The following PRDM11 variants were observed in gnomAD, a reference collection of about 807,000 sequenced individuals.
The protein encoded by PRDM11 is PR domain-containing protein 11.
A neutral mutation model predicts 97.8 loss-of-function variants in PRDM11; 20 were observed. The ratio of observed to expected loss-of-function variants is 0.20; its 90% confidence interval spans 0.14 to 0.30. The LOEUF (loss-of-function observed/expected upper bound fraction) is 0.30, where lower values mean the gene tolerates loss of function less well. PRDM11 is among the 10% of genes least tolerant of loss of function. The probability of loss-of-function intolerance (pLI) is 1.00; values close to 1 mark genes in which losing one functional copy is unlikely to be tolerated. For missense variants in PRDM11, 1,139 were observed against 1,555.2 expected (o/e 0.73, Z 4.50); for synonymous variants, 599 against 637.7 (o/e 0.94, Z 0.91).
chr11:45,185,750 TC>T (rs751726973), intron 4 of PRDM11, among the ~76,000 whole-genome samples: 3 of 151,944 alleles, frequency 2.0e-5, no homozygotes, highest in Non-Finnish European at 4.4e-5. Flanking sequence ...CCACATAATG[TC>T]CCCCCAAAAA....
Position 45,104,449 on chromosome 11 carries a change from G to C in PRDM11, c.96+8548G>C, listed in dbSNP as rs138391155. Among the ~76,000 whole-genome samples the C allele has an allele frequency of 3.1e-3, 478 of 152,338 alleles. 2 individuals are homozygous for C. Among genetic ancestry groups the C allele is most frequent in the Admixed American group, 4.9e-3 (75 of 15,302 alleles). ...GGGGACGAGGACACGTGCCCTTCCT[G>C]CTGCTCAAGGTTGCTGTGATAGCTG... On this transcript the variant is annotated intron_variant, in intron 1 of 6. Transcript: ENST00000530656.
intron 1 of PRDM11, among the ~76,000 whole-genome samples, chr11:45,113,985 T>C (rs1435529541): frequency 1.3e-5 from 2 of 152,054 alleles, no homozygotes; most frequent in Non-Finnish European, 2.9e-5. Flanking sequence ...ACTTCCTCTT[T>C]TTCAATCTGG....
intron 1 of PRDM11, among the ~76,000 whole-genome samples, chr11:45,137,961 C>T (rs371243810): frequency 1.3e-5 from 2 of 152,182 alleles, no homozygotes; most frequent in African/African-American, 2.4e-5. Flanking sequence ...CATACACACA[C>T]GTACGTGAGA....
intron 4 of PRDM11, among the ~76,000 whole-genome samples, chr11:45,191,094 G>C (rs1385531979): frequency 6.6e-6 from 1 of 152,108 alleles, no homozygotes; most frequent in Non-Finnish European, 1.5e-5. Context: ...CATCTCATTA[G>C]TCTCCTTTAT....
At chr11:45,213,178 G>C in intron 5 of PRDM11, 1 of 456,680 alleles carries the variant, frequency 2.2e-6, no homozygotes, top group Non-Finnish European at 4.4e-6. Flanking sequence ...CCTCCTCACC[G>C]AGCGCAGGTC....
At chr11:45,123,103 G>A (rs920891261) in intron 1 of PRDM11, among the ~76,000 whole-genome samples, 10 of 152,066 alleles carry the variant, frequency 6.6e-5, no homozygotes, top group African/African-American at 2.2e-4. Flanking sequence ...GTGATGATGA[G>A]CATTTTTTCA....
intron 4 of PRDM11, among the ~76,000 whole-genome samples, chr11:45,188,318 C>T (rs1000684829): frequency 2.0e-5 from 3 of 152,228 alleles, no homozygotes; most frequent in Non-Finnish European, 4.4e-5. Flanking sequence ...GCTGAGAAAA[C>T]TGAGGCCTGG....
intron 4 of PRDM11, among the ~76,000 whole-genome samples, chr11:45,203,221 A>T (rs192889037): frequency 6.6e-6 from 1 of 152,156 alleles, no homozygotes. Context: ...TCTTCAGGGG[A>T]CCAACCCTGA....
At chr11:45,192,497 C>T (rs1260027617) in intron 4 of PRDM11, among the ~76,000 whole-genome samples, 2 of 152,196 alleles carry the variant, frequency 1.3e-5, no homozygotes, top group African/African-American at 2.4e-5. Context: ...GTAATATGCT[C>T]ATGAACCAGT....
intron 1 of PRDM11, among the ~76,000 whole-genome samples, chr11:45,108,409 C>G (rs1006100671): frequency 6.6e-6 from 1 of 152,170 alleles, no homozygotes; most frequent in African/African-American, 2.4e-5. Context: ...ACTGTTGGTC[C>G]CATGAGCTTC....
chr11:45,139,259 C>A lies in PRDM11; in HGVS notation c.97-42502C>A, dbSNP rs1381833741. On this transcript the variant is annotated intron_variant, in intron 1 of 6. Transcript: ENST00000530656. ...ATGAACACTTTGCAGGACAACTGGG[C>A]AAAATGTTTTAGGACAACTGGGCAA... is the stretch of plus-strand genomic sequence containing the variant. 2.0e-5 allele frequency among the ~76,000 whole-genome samples: 3 copies of A among 152,194 alleles called. No individual in the cohort carries two copies. The East Asian group carries it at 5.8e-4, about 29-fold the overall frequency.
At chr11:45,165,602 G>A (rs748412849) in intron 1 of PRDM11, among the ~76,000 whole-genome samples, 1 of 152,246 alleles carries the variant, frequency 6.6e-6, no homozygotes, top group Non-Finnish European at 1.5e-5. Flanking sequence ...GCCCATCTGA[G>A]CAGGGCCACC....
intron 1 of PRDM11, among the ~76,000 whole-genome samples, chr11:45,113,554 A>G (rs1042867450): frequency 3.9e-5 from 6 of 152,176 alleles, no homozygotes; most frequent in African/African-American, 1.4e-4. Context: ...GGTCATCTTC[A>G]CAATATTGAT....
At chr11:45,174,781 CAG>C (rs923050638) in intron 1 of PRDM11, among the ~76,000 whole-genome samples, 24 of 152,104 alleles carry the variant, frequency 1.6e-4, no homozygotes, top group Middle Eastern at 3.2e-3. Flanking sequence ...AAGAAGAAAA[CAG>C]AAATACACAA....
chr11:45,160,427 A>T (rs1223152326), intron 1 of PRDM11, among the ~76,000 whole-genome samples: 1 of 152,168 alleles, frequency 6.6e-6, no homozygotes, highest in East Asian at 1.9e-4. Flanking sequence ...CATGGTCATG[A>T]CTCTAGTATA....
chr11:45,132,487 A>C (rs545716838), intron 1 of PRDM11, among the ~76,000 whole-genome samples: 1 of 152,348 alleles, frequency 6.6e-6, no homozygotes, highest in East Asian at 1.9e-4. Context: ...AAAGTCTTAA[A>C]TGTTATTTTT....
intron 5 of PRDM11, among the ~76,000 whole-genome samples, chr11:45,216,617 A>C (rs555167495): frequency 7.2e-5 from 11 of 152,318 alleles, no homozygotes; most frequent in Non-Finnish European, 1.5e-5. Flanking sequence ...TGTCAGGGGA[A>C]TGGGTTGTGA....
At chr11:45,177,291 G>T (rs1028625216) in intron 1 of PRDM11, among the ~76,000 whole-genome samples, 2 of 152,246 alleles carry the variant, frequency 1.3e-5, no homozygotes, top group African/African-American at 4.8e-5. Flanking sequence ...TGCATGTGCA[G>T]ACTTAGAGGA....
At chr11:45,113,812 G>A (rs1304526032) in intron 1 of PRDM11, among the ~76,000 whole-genome samples, 1 of 134,084 alleles carries the variant, frequency 7.5e-6, no homozygotes, top group Non-Finnish European at 1.6e-5. Flanking sequence ...GTGTGTGTGT[G>A]TGTGTGTGTG....
Sources: allele counts gnomAD v4.1 joint callset (sites outside exome capture counted in the v4.1 genomes callset), GRCh38; gene constraint gnomAD v4.1.1; transcripts MANE v1.5; gene names NCBI Gene and HGNC (gene_info 2026-07-23, HGNC 2026-07-21).